SNX14: variants seen among roughly 807,000 people sequenced by gnomAD.
SNX14 encodes sorting nexin-14.
Under a neutral mutation model 133.8 loss-of-function variants are expected in SNX14, and 93 were observed. The ratio of observed to expected loss-of-function variants is 0.70; its 90% CI spans 0.59 to 0.83. The LOEUF is 0.83. SNX14 is among the 40% of genes least tolerant of loss of function. The probability of loss-of-function intolerance (pLI) is 0.00; values close to 1 mark genes in which losing one functional copy is unlikely to be tolerated. For synonymous variants in SNX14, 368 were observed against 365.6 expected (o/e 1.01, Z -0.07); for missense variants, 945 against 1,094.9 (o/e 0.86, Z 1.93).
intron 1 of SNX14, among the ~76,000 whole-genome samples, chr6:85,582,593 G>GAT (rs1799383374): frequency 6.6e-6 from 1 of 151,798 alleles, no homozygotes; most frequent in Non-Finnish European, 1.5e-5. Context: ...TGATAAAGGG[G>GAT]ATATCATCAC....
rs895797133 is a variant in SNX14, at chr6:85,508,185, C to T, written c.2654-126G>A. 5.0e-6 allele frequency: 7 copies of T among 1,408,302 alleles called. No individual in the cohort carries two copies. In the South Asian group the frequency reaches 1.0e-4, roughly 20 times the overall value. 87.2% of individuals were successfully genotyped at this position (1,408,302 alleles called of 1,614,324 possible). On this transcript the variant is annotated intron_variant, in intron 26 of 28. Transcript: ENST00000314673. ...GGCAAAAACTGCAAATCAATACTCC[C>T]CAAACCAGTGTTTCTATAAGAGGCT...
At chr6:85,546,170 G>A (rs1489153135) in intron 12 of SNX14, among the ~76,000 whole-genome samples, 3 of 152,164 alleles carry the variant, frequency 2.0e-5, no homozygotes, top group Non-Finnish European at 4.4e-5. Context: ...GGGAAAGAGT[G>A]GATCTCTTGG....
chr6:85,516,775 T>C (rs1775184549), intron 23 of SNX14, among the ~76,000 whole-genome samples: 1 of 151,824 alleles, frequency 6.6e-6, no homozygotes, highest in Admixed American at 6.6e-5. Context: ...GTAGCTAGGA[T>C]TACAGGCACC....
At chr6:85,551,816 C>T (rs1465981783) in intron 7 of SNX14, among the ~76,000 whole-genome samples, 1 of 152,140 alleles carries the variant, frequency 6.6e-6, no homozygotes, top group Non-Finnish European at 1.5e-5. Context: ...AGTAGAAACC[C>T]ATGAAAGGAT....
intron 1 of SNX14, among the ~76,000 whole-genome samples, chr6:85,590,408 A>G (rs1802423715): frequency 6.6e-6 from 1 of 152,180 alleles, no homozygotes; most frequent in Non-Finnish European, 1.5e-5. Flanking sequence ...TGCTCTGCCT[A>G]TGGTGTAGCC....
intron 23 of SNX14, among the ~76,000 whole-genome samples, chr6:85,515,983 C>A (rs1473091448): frequency 6.6e-6 from 1 of 152,088 alleles, no homozygotes; most frequent in South Asian, 2.1e-4. Flanking sequence ...AGCAAAGGGG[C>A]ATTTAAACTT....
chr6:85,539,542 CAT>C (rs1294313162), intron 15 of SNX14, among the ~76,000 whole-genome samples: 1 of 151,938 alleles, frequency 6.6e-6, no homozygotes, highest in Admixed American at 6.6e-5. Flanking sequence ...AAAATGTAGA[CAT>C]AAAATATATG....
chr6:85,571,121 C>T (rs755062341), intron 4 of SNX14, among the ~76,000 whole-genome samples: 4 of 151,660 alleles, frequency 2.6e-5, no homozygotes, highest in Non-Finnish European at 4.4e-5. Flanking sequence ...GGGAGGCCGA[C>T]GTGGGTGGAT....
chr6:85,545,656 A>C (rs993198825), intron 12 of SNX14, among the ~76,000 whole-genome samples: 4 of 152,216 alleles, frequency 2.6e-5, no homozygotes, highest in African/African-American at 9.6e-5. Context: ...ATACAATGGA[A>C]TACCACTCAG....
intron 5 of SNX14, among the ~76,000 whole-genome samples, chr6:85,566,669 G>A (rs1225950599): frequency 6.6e-6 from 1 of 151,426 alleles, no homozygotes; most frequent in Non-Finnish European, 1.5e-5. Flanking sequence ...CTGCACTCCA[G>A]CCTAGGCAAC....
chr6:85,547,288 A>T, intron 11 of SNX14, 29 bp downstream of exon 11: 1 of 1,610,990 alleles, frequency 6.2e-7, no homozygotes, highest in Non-Finnish European at 8.5e-7. Context: ...TGTTTATATC[A>T]AAAAGGTGTT....
rs1438339019 is a variant in SNX14 at position 85,593,647 on chromosome 6, G to A, written c.72C>T (p.Ile24=). 1 of 1,612,862 alleles carries A rather than the reference G, an allele frequency of 6.2e-7. No homozygotes were observed. Among genetic ancestry groups the A allele is most frequent in the Admixed American group, 1.7e-5 (1 of 60,002 alleles). The part of the protein sequence containing the change: ...QRLRLDVGRE[I]CRQYPLFCFL... ...AGCAGAACAGCGGGTACTGGCGGCAGATCTCGCGTCCCACGTCCAGTCGCA... is the reference window on the plus strand; with the variant it reads ...AGCAGAACAGCGGGTACTGGCGGCAAATCTCGCGTCCCACGTCCAGTCGCA... The change falls in exon 1 of 29, where the codon ATC becomes ATT. Residue 24 remains isoleucine, a synonymous_variant. Coordinates refer to ENST00000314673, the MANE Select transcript of SNX14 (RefSeq NM_153816.6).
At chr6:85,534,830 A>ATT (rs1781381373) in intron 17 of SNX14, among the ~76,000 whole-genome samples, 1 of 35,350 alleles carries the variant, frequency 2.8e-5, no homozygotes, top group Non-Finnish European at 5.0e-5. Context: ...GAAAAGGGAA[A>ATT]GTTTTTTTTT....
Position 85,505,973 on chromosome 6 carries a change from C to T in SNX14, c.2835G>A (p.Trp945Ter). The change falls in exon 29 of 29, where the codon TGG becomes TGA. Residue 945 changes from tryptophan (W) to a stop codon, truncating the protein, a stop_gained. Coordinates refer to ENST00000314673, the MANE Select transcript of SNX14 (RefSeq NM_153816.6). LOFTEE classifies it high-confidence loss of function. ...VQKEVTSVTSWM is the reference protein window; with the variant it reads ...VQKEVTSVTS ...CTATACCAAATCCAAGTGTTTACATCCAAGATGTCACAGAGGTAACTTCCT... is the reference window on the plus strand; with the variant it reads ...CTATACCAAATCCAAGTGTTTACATTCAAGATGTCACAGAGGTAACTTCCT... 6.2e-7 allele frequency: 1 copy of T among 1,601,318 alleles called. No homozygotes were observed. The highest frequency in any genetic ancestry group is 2.2e-5 in the East Asian group (1 of 44,712).
At chr6:85,584,324 AG>A (rs1231741136) in intron 1 of SNX14, among the ~76,000 whole-genome samples, 7 of 152,254 alleles carry the variant, frequency 4.6e-5, no homozygotes, top group African/African-American at 1.7e-4. Context: ...AATACCATTT[AG>A]GACACAGGCA....
rs761435789 is a variant in SNX14 at position 85,526,191 on chromosome 6, T to G, written c.2042A>C (p.Asp681Ala). ...TTCCCCACCATTAGGGGAAAGAAAGTCTGCCAGAAGTTGACTATTACTCAG... is the reference window on the plus strand; with the variant it reads ...TTCCCCACCATTAGGGGAAAGAAAGGCTGCCAGAAGTTGACTATTACTCAG... ...PELSNSQLLA[D>A]FLSPNGGETQ... Residue 681 changes from aspartate (D) to alanine (A), a missense_variant, in exon 21 of 29, where the codon GAC becomes GCC. Asp to Ala is a moderately radical substitution (Grantham distance 126). This residue lies in a region of SNX14 where 412 missense variants were observed against 516.6 expected (regional missense o/e 0.80). Coordinates refer to ENST00000314673, the MANE Select transcript of SNX14 (RefSeq NM_153816.6). 6.2e-7 allele frequency: 1 copy of G among 1,608,556 alleles called. No individual in the cohort carries two copies. The highest frequency in any genetic ancestry group is 1.1e-5 in the South Asian group (1 of 89,800).
chr6:85,557,222 A>T (rs1025823697), intron 7 of SNX14, among the ~76,000 whole-genome samples: 1 of 152,218 alleles, frequency 6.6e-6, no homozygotes, highest in Non-Finnish European at 1.5e-5. Flanking sequence ...ATGCGAATAC[A>T]AGGAAAATCT....
chr6:85,529,371 C>T (rs968089502), intron 19 of SNX14, among the ~76,000 whole-genome samples: 1 of 150,232 alleles, frequency 6.7e-6, no homozygotes, highest in African/African-American at 2.5e-5. Flanking sequence ...AGGAAGGAAA[C>T]AAGGAAATGA....
intron 26 of SNX14, among the ~76,000 whole-genome samples, chr6:85,509,062 T>C (rs1372432493): frequency 2.0e-5 from 3 of 152,192 alleles, no homozygotes; most frequent in African/African-American, 4.8e-5. Context: ...TTAATATGCA[T>C]GAAACTAATG....
Sources: gnomAD v4.1 joint callset for allele counts (sites outside exome capture counted in the v4.1 genomes callset) on GRCh38, gnomAD v4.1.1 for gene constraint, gnomAD v4.1.1 regional missense constraint, MANE v1.5 for transcripts, NCBI Gene and HGNC (gene_info 2026-07-23, HGNC 2026-07-21) for gene names.